The following IGF1 variants were observed in gnomAD, a reference collection of about 807,000 sequenced individuals.
IGF1 encodes the protein insulin like growth factor 1.
Under a neutral mutation model 13.8 loss-of-function variants are expected in IGF1, and 4 were observed. The observed-to-expected ratio is 0.29, with a 90% CI of 0.14 to 0.66. The LOEUF is 0.66. IGF1 is among the 30% of genes least tolerant of loss of function. IGF1 has a pLI of 0.78. For synonymous variants in IGF1, 76 were observed against 72.6 expected, an observed-to-expected ratio of 1.05 and a Z score of -0.23; for missense variants, 124 against 188.5, an observed-to-expected ratio of 0.66 and a Z score of 2.00.
rs1032209273 is a variant in IGF1 at position 102,420,011 on chromosome 12, G to T, written c.221-321C>A. On this transcript the variant is annotated intron_variant, in intron 2 of 3. Coordinates refer to ENST00000337514, the MANE Select transcript of IGF1 (RefSeq NM_000618.5). ...CTTTTCTTATATATTGGCTTCAGAG[G>T]ATGATAGAAATATTAAAATAAGATC... Among the ~76,000 whole-genome samples, 6 of 152,300 alleles carry T rather than the reference G, an allele frequency of 3.9e-5. No homozygotes were observed. The East Asian group carries it at 1.2e-3, about 29-fold the overall frequency.
chr12:102,458,204 C>T (rs1030073669), intron 2 of IGF1, among the ~76,000 whole-genome samples: 10 of 152,236 alleles, frequency 6.6e-5, no homozygotes, highest in Middle Eastern at 6.8e-3. Flanking sequence ...ATGCAGCATA[C>T]GGAGTTCTTT....
chr12:102,475,977 C>T (rs774127281), intron 1 of IGF1, among the ~76,000 whole-genome samples, 178 bp from the exon 2 acceptor site: 4 of 152,150 alleles, frequency 2.6e-5, no homozygotes, highest in African/African-American at 7.2e-5. Context: ...GAGCGTGTCT[C>T]GGCATCCAAC....
chr12:102,460,495 G>T (rs1385668297), intron 2 of IGF1, among the ~76,000 whole-genome samples: 2 of 152,160 alleles, frequency 1.3e-5, no homozygotes, highest in Non-Finnish European at 2.9e-5. Flanking sequence ...TCTCCCTTGG[G>T]TATTGCTAAA....
intron 2 of IGF1, among the ~76,000 whole-genome samples, chr12:102,426,154 G>T (rs1258286013): frequency 6.6e-6 from 1 of 152,208 alleles, no homozygotes; most frequent in Non-Finnish European, 1.5e-5. Flanking sequence ...GAAGCAATAT[G>T]TGAAGTGGCT....
At chr12:102,445,159 G>A (rs1306087863) in intron 2 of IGF1, among the ~76,000 whole-genome samples, 1 of 151,362 alleles carries the variant, frequency 6.6e-6, no homozygotes, top group African/African-American at 2.4e-5. Context: ...ATAGTTTGAA[G>A]TCAGGTAGCG....
At chr12:102,456,465 C>T (rs1879413147) in intron 2 of IGF1, among the ~76,000 whole-genome samples, 1 of 152,108 alleles carries the variant, frequency 6.6e-6, no homozygotes, top group African/African-American at 2.4e-5. Flanking sequence ...CTCATTTCTG[C>T]TCAACTACAG....
At chr12:102,439,237 GCT>G (rs1877495492) in intron 2 of IGF1, among the ~76,000 whole-genome samples, 2 of 152,140 alleles carry the variant, frequency 1.3e-5, no homozygotes, top group African/African-American at 2.4e-5. Flanking sequence ...TTTTTTTCAT[GCT>G]CAAAGCATGC....
intron 1 of IGF1, among the ~76,000 whole-genome samples, chr12:102,477,503 G>A (rs1881130501): frequency 6.6e-6 from 1 of 150,396 alleles, no homozygotes; most frequent in South Asian, 2.1e-4. Context: ...AAAACACTGG[G>A]ACTGGAAGAA....
At chr12:102,478,649 T>A (rs1881221124) in intron 1 of IGF1, 1 of 1,421,982 alleles carries the variant, frequency 7.0e-7, no homozygotes. Context: ...CAGGCAGGTA[T>A]GCTATTATGA....
upstream of IGF1, among the ~76,000 whole-genome samples, chr12:102,481,347 CTGTGTGTGTGTGTGTGTGTGTGTG>C (rs3033407): frequency 7.1e-6 from 1 of 140,282 alleles, no homozygotes; most frequent in Non-Finnish European, 1.6e-5. Context: ...TAACTCAAAC[CTGTGTGTGTGTGTGTGTGTGTGTG>C]TGTGTGTGTG....
chr12:102,418,513 A>G (rs1446383572), intron 3 of IGF1, among the ~76,000 whole-genome samples: 1 of 152,228 alleles, frequency 6.6e-6, no homozygotes, highest in East Asian at 1.9e-4. Context: ...CTTTTGCACA[A>G]TATTATTAGT....
At chr12:102,463,472 A>G (rs1472615296) in intron 2 of IGF1, 1 of 152,222 alleles carries the variant, frequency 6.6e-6, no homozygotes, top group Non-Finnish European at 1.5e-5. Context: ...TTGACTTCAA[A>G]TTAAAATCAG....
At chr12:102,412,163 C>T (rs1043996797) in intron 3 of IGF1, among the ~76,000 whole-genome samples, 5 of 152,078 alleles carry the variant, frequency 3.3e-5, no homozygotes, top group Admixed American at 1.3e-4. Flanking sequence ...TATTTCCACC[C>T]CTCCAATAAT....
intron 2 of IGF1, among the ~76,000 whole-genome samples, chr12:102,437,566 T>C (rs1877353458): frequency 1.3e-5 from 2 of 152,226 alleles, no homozygotes. Context: ...GGAATCTAAA[T>C]AAGTTAATCT....
At chr12:102,441,080 C>T (rs1262169717) in intron 2 of IGF1, among the ~76,000 whole-genome samples, 1 of 152,200 alleles carries the variant, frequency 6.6e-6, no homozygotes, top group Non-Finnish European at 1.5e-5. Context: ...TTCTTCTATG[C>T]AGTCCCTTCA....
At chr12:102,480,196 A>G in intron 1 of IGF1, 123 bp downstream of exon 1, 1 of 935,384 alleles carries the variant, frequency 1.1e-6, no homozygotes, top group Non-Finnish European at 1.7e-6. Context: ...TCAGCAATTT[A>G]TAAATAACTC....
intron 1 of IGF1, chr12:102,478,705 C>T: frequency 1.6e-6 from 2 of 1,272,278 alleles, no homozygotes; most frequent in South Asian, 2.4e-5. Context: ...GAACAAATTG[C>T]ACAGCTGGGA....
chr12:102,450,522 G>A (rs1315712396), intron 2 of IGF1, among the ~76,000 whole-genome samples: 1 of 152,198 alleles, frequency 6.6e-6, no homozygotes, highest in Non-Finnish European at 1.5e-5. Flanking sequence ...ATAAAATGCT[G>A]CATTTCCAGA....
intron 2 of IGF1, among the ~76,000 whole-genome samples, chr12:102,458,785 C>T (rs1203164506): frequency 7.2e-6 from 1 of 139,138 alleles, no homozygotes; most frequent in African/African-American, 2.7e-5. Flanking sequence ...ATTATTGCTT[C>T]TCTCTCTCAG....
Sources: allele counts gnomAD v4.1 joint callset (sites outside exome capture counted in the v4.1 genomes callset), GRCh38; gene constraint gnomAD v4.1.1; transcripts MANE v1.5; gene names NCBI Gene and HGNC (gene_info 2026-07-23, HGNC 2026-07-21).